The following USP3 variants were observed in gnomAD, a reference collection of about 807,000 sequenced individuals.
USP3 encodes the protein ubiquitin carboxyl-terminal hydrolase 3.
Under a neutral mutation model 72.3 loss-of-function variants are expected in USP3, and 20 were observed. The ratio of observed to expected loss-of-function variants is 0.28; its 90% confidence interval spans 0.19 to 0.40. The LOEUF is 0.40. Among genes scored for constraint, USP3 ranks in the 10% least tolerant of loss-of-function variants. USP3 has a pLI of 1.00. For missense variants in USP3, 479 were observed against 633.9 expected (o/e 0.76, Z 2.62); for synonymous variants, 222 against 225.3 (o/e 0.99, Z 0.13).
intron 3 of USP3, among the ~76,000 whole-genome samples, chr15:63,548,428 C>T (rs1394856154): frequency 1.3e-5 from 2 of 151,878 alleles, no homozygotes; most frequent in Non-Finnish European, 2.9e-5. Context: ...TAGGTTCAAG[C>T]GATTCTCCTG....
chr15:63,568,391 CTCTGTTT>C (rs1226313146), intron 8 of USP3, among the ~76,000 whole-genome samples: 1 of 151,850 alleles, frequency 6.6e-6, no homozygotes, highest in Non-Finnish European at 1.5e-5. Context: ...AGTTATTTGC[CTCTGTTT>C]TCTTTTCTCC....
At chr15:63,532,547 T>C in intron 1 of USP3, 100 bp from the exon 2 acceptor site, 2 of 1,411,034 alleles carry the variant, frequency 1.4e-6, no homozygotes, top group South Asian at 1.2e-5. Flanking sequence ...TCAGCATTCC[T>C]ACATAGCCAT....
chr15:63,580,008 T>C (rs2066925925), intron 11 of USP3, among the ~76,000 whole-genome samples: 1 of 152,170 alleles, frequency 6.6e-6, no homozygotes, highest in African/African-American at 2.4e-5. Flanking sequence ...GACATACTAA[T>C]TTCACTTACA....
intron 1 of USP3, among the ~76,000 whole-genome samples, chr15:63,507,999 G>A (rs148029639): frequency 1.2e-3 from 182 of 152,226 alleles, no homozygotes; most frequent in African/African-American, 4.2e-3. Context: ...GTAACTCTTT[G>A]TTCAGCTTTA....
chr15:63,573,567 A>G (rs551413142), intron 9 of USP3, among the ~76,000 whole-genome samples: 2 of 152,336 alleles, frequency 1.3e-5, no homozygotes, highest in African/African-American at 4.8e-5. Flanking sequence ...CTTTTCCCCA[A>G]ATCTGACAGA....
At position 63,558,207 on chromosome 15, in the gene USP3, C is replaced by T. The variant is rs1567114387; in HGVS notation, c.533+19C>T. ...CACTCAGGTAACGCTACAGTCAGAG[C>T]TTAAGTGTCTGACATTAAAGGTTAA... On this transcript the variant is annotated intron_variant, in intron 6 of 14. Transcript: ENST00000380324. The T allele has an allele frequency of 3.7e-6, 6 of 1,612,758 alleles. No individual in the cohort carries two copies. Among genetic ancestry groups the T allele is most frequent in the Non-Finnish European group, 4.2e-6 (5 of 1,179,064 alleles).
rs371583864 is a variant in USP3 at position 63,553,064 on chromosome 15, C to T, written c.285-651C>T. Among the ~76,000 whole-genome samples the T allele has an allele frequency of 6.6e-5, 10 of 152,276 alleles. No homozygotes were observed. The East Asian group carries it at 1.3e-3, about 21-fold the overall frequency. On this transcript the variant is annotated intron_variant, in intron 3 of 14. Coordinates refer to ENST00000380324, the MANE Select transcript of USP3 (RefSeq NM_006537.4). This position sits in a 1 kb window ranked among gnomAD's most constrained non-coding sequence, Gnocchi z 4.2. Reference sequence around the variant, plus strand: ...TTGACTTATAAAACACACAGAGTATCGGTTTTTAAATATAGCTTAAATATT... The same window carrying T: ...TTGACTTATAAAACACACAGAGTATTGGTTTTTAAATATAGCTTAAATATT...
chr15:63,567,156 G>C (rs549045409), intron 8 of USP3, among the ~76,000 whole-genome samples: 1 of 152,222 alleles, frequency 6.6e-6, no homozygotes, highest in East Asian at 1.9e-4. Flanking sequence ...TGGAACGTCT[G>C]CTTTTCACAC....
At chr15:63,538,051 A>G (rs1567102620) in intron 3 of USP3, among the ~76,000 whole-genome samples, 1 of 152,048 alleles carries the variant, frequency 6.6e-6, no homozygotes, top group African/African-American at 2.4e-5. Context: ...CCTCTTTGTA[A>G]TATAATATTC....
rs2067219407 is a variant in USP3 at position 63,592,371 on chromosome 15, G to T, written c.*1545G>T. 1 of 149,868 alleles carries T rather than the reference G, an allele frequency of 6.7e-6. No homozygotes were observed. The highest frequency in any genetic ancestry group is 1.5e-5 in the Non-Finnish European group (1 of 67,352). The allele number at this position is 149,868 out of a possible 1,614,324, so 9.3% of individuals were successfully genotyped here. A position where few individuals can be genotyped will look rare whatever the true frequency, so the allele number is the denominator to read the frequency against. ...CTTTTTTTTGGTTGGGGGCGGTGGGGGTTGGTAGACATAGCCTACCAATTC... is the reference window on the plus strand; with the variant it reads ...CTTTTTTTTGGTTGGGGGCGGTGGGTGTTGGTAGACATAGCCTACCAATTC... On this transcript the variant is annotated 3_prime_UTR_variant, in exon 15 of 15. Transcript: ENST00000380324.
rs1478671469 is a variant in USP3 at position 63,587,316 on chromosome 15, G to A, written c.1097-989G>A. Among the ~76,000 whole-genome samples the A allele has an allele frequency of 2.6e-5, 4 of 152,126 alleles. No individual in the cohort carries two copies. In the East Asian group the frequency reaches 7.8e-4, roughly 29 times the overall value. On this transcript the variant is annotated intron_variant, in intron 11 of 14. Coordinates refer to ENST00000380324, the MANE Select transcript of USP3 (RefSeq NM_006537.4). The stretch of plus-strand genomic sequence containing the variant: ...AGAAAATCCAAGTGTGGGGTCCATA[G>A]GCATTCATATTTTTTCTACAGAATA...
Position 63,583,135 on chromosome 15 carries a change from G to C in USP3, c.1097-5170G>C, listed in dbSNP as rs187125859. ...ATAGGGGGGGGAAAAAGGCTTCTCT[G>C]CTGTTGAGGCATTTCTGCTTCTCAG... On this transcript the variant is annotated intron_variant, in intron 11 of 14. Transcript: ENST00000380324. Among the ~76,000 whole-genome samples the C allele has an allele frequency of 4.5e-4, 69 of 152,300 alleles. No homozygotes were observed. In the East Asian group the frequency reaches 0.013, roughly 28 times the overall value.
At chr15:63,542,674 T>C (rs1173605612) in intron 3 of USP3, among the ~76,000 whole-genome samples, 1 of 152,056 alleles carries the variant, frequency 6.6e-6, no homozygotes. Flanking sequence ...ACTAATAACA[T>C]TGAAATAAAC....
chr15:63,544,748 A>T lies in USP3; in HGVS notation c.284+7592A>T, dbSNP rs1263880807. ...CGAGGGGTAAGAGAGTTCATGGTAT[A>T]TGGGATGAAAGCTTAACTCTAAAAC... On this transcript the variant is annotated intron_variant, in intron 3 of 14. Coordinates refer to ENST00000380324, the MANE Select transcript of USP3 (RefSeq NM_006537.4). The surrounding 1 kb of genome is among the most constrained non-coding windows in gnomAD (Gnocchi z 4.2). The T allele has an allele frequency of 7.1e-6, 5 of 701,828 alleles. No individual in the cohort carries two copies. The highest frequency in any genetic ancestry group is 1.3e-5 in the Non-Finnish European group (5 of 384,672). 43.5% of individuals were successfully genotyped at this position (701,828 alleles called of 1,614,324 possible). A position where few individuals can be genotyped will look rare whatever the true frequency, so the allele number is the denominator to read the frequency against.
Position 63,544,836 on chromosome 15 carries a change from T to C in USP3, c.284+7680T>C, listed in dbSNP as rs1287834676. 4.5e-6 allele frequency: 3 copies of C among 667,070 alleles called. No individual in the cohort carries two copies. Among genetic ancestry groups the C allele is most frequent in the Non-Finnish European group, 8.1e-6 (3 of 369,318 alleles). The allele number at this position is 667,070 out of a possible 1,614,324, so 41.3% of individuals were successfully genotyped here. A position where few individuals can be genotyped will look rare whatever the true frequency, so the allele number is the denominator to read the frequency against. ...AGGGAAGGGGTAGGAGATAAGAATATCTAAGCAAGGCTGACATTGTGGGGA... is the reference window on the plus strand; with the variant it reads ...AGGGAAGGGGTAGGAGATAAGAATACCTAAGCAAGGCTGACATTGTGGGGA... On this transcript the variant is annotated intron_variant, in intron 3 of 14. Coordinates refer to ENST00000380324, the MANE Select transcript of USP3 (RefSeq NM_006537.4). The surrounding 1 kb of genome is among the most constrained non-coding windows in gnomAD (Gnocchi z 4.2).
chr15:63,572,515 T>G (rs1035165019), intron 9 of USP3, among the ~76,000 whole-genome samples: 1 of 152,146 alleles, frequency 6.6e-6, no homozygotes, highest in African/African-American at 2.4e-5. Flanking sequence ...ACAATATGTC[T>G]TACAAACAGT....
intron 14 of USP3, 41 bp downstream of exon 14, chr15:63,589,052 G>A: frequency 6.2e-7 from 1 of 1,608,342 alleles, no homozygotes; most frequent in Middle Eastern, 2.2e-4. Context: ...GGAATACCTG[G>A]TGGCCAGCCC....
rs2066829789 is a variant in USP3 at position 63,574,480 on chromosome 15, T to C, written c.1096+77T>C. Reference sequence around the variant, plus strand: ...ATTGATAAGCTTCATCTATATGTGGTATCTTTAATTAATATCTTTAATGAA... The same window carrying C: ...ATTGATAAGCTTCATCTATATGTGGCATCTTTAATTAATATCTTTAATGAA... On this transcript the variant is annotated intron_variant, in intron 11 of 14. Transcript: ENST00000380324. This position sits in a 1 kb window ranked among gnomAD's most constrained non-coding sequence, Gnocchi z 4.6. 9.3e-7 allele frequency: 1 copy of C among 1,070,438 alleles called. No homozygotes were observed. The highest frequency in any genetic ancestry group is 1.7e-5 in the African/African-American group (1 of 60,468). 66.3% of individuals were successfully genotyped at this position (1,070,438 alleles called of 1,614,324 possible).
intron 2 of USP3, among the ~76,000 whole-genome samples, chr15:63,535,164 C>G (rs2066137387): frequency 6.6e-6 from 1 of 152,188 alleles, no homozygotes; most frequent in South Asian, 2.1e-4. Flanking sequence ...CTCCTGACCT[C>G]AAGTGATCTG....
Sources: gnomAD v4.1 joint callset for allele counts (sites outside exome capture counted in the v4.1 genomes callset) on GRCh38, gnomAD v4.1.1 for gene constraint, Gnocchi (gnomAD v3.1) non-coding constraint, MANE v1.5 for transcripts, NCBI Gene and HGNC (gene_info 2026-07-23, HGNC 2026-07-21) for gene names.